NEGR1: variants seen among roughly 807,000 people sequenced by gnomAD.
NEGR1 encodes neuronal growth regulator 1.
A neutral mutation model predicts 40.9 loss-of-function variants in NEGR1; 10 were observed. The ratio of observed to expected loss-of-function variants is 0.24; its 90% CI spans 0.15 to 0.42. NEGR1 has a LOEUF of 0.42. NEGR1 is among the 10% of genes least tolerant of loss of function. The pLI is 1.00. For missense variants in NEGR1, 352 were observed against 438.9 expected, an observed-to-expected ratio of 0.80 and a Z score of 1.77; for synonymous variants, 185 against 166.8, an observed-to-expected ratio of 1.11 and a Z score of -0.84.
chr1:71,806,160 T>C (rs1020218771), intron 2 of NEGR1, among the ~76,000 whole-genome samples: 1 of 152,134 alleles, frequency 6.6e-6, no homozygotes, highest in Non-Finnish European at 1.5e-5. Context: ...GTTAGTTCCC[T>C]GACCAATACC....
chr1:71,728,485 C>G (rs1654748391), intron 3 of NEGR1, among the ~76,000 whole-genome samples: 1 of 152,110 alleles, frequency 6.6e-6, no homozygotes, highest in Non-Finnish European at 1.5e-5. Context: ...CACAGACTTA[C>G]CCCATTAGAA....
intron 1 of NEGR1, among the ~76,000 whole-genome samples, chr1:72,143,928 T>TATATAAA (rs1650802121): frequency 1.7e-5 from 2 of 116,548 alleles, no homozygotes; most frequent in Non-Finnish European, 3.8e-5. Context: ...TATATATATA[T>TATATAAA]ATATATATAT....
intron 3 of NEGR1, among the ~76,000 whole-genome samples, chr1:71,764,418 T>C (rs1272966334): frequency 1.3e-5 from 2 of 152,250 alleles, no homozygotes; most frequent in Non-Finnish European, 2.9e-5. Flanking sequence ...ATTCTCTCTT[T>C]ACTTTTTTTG....
chr1:72,002,762 T>A (rs1388708003), intron 1 of NEGR1, among the ~76,000 whole-genome samples: 2 of 152,152 alleles, frequency 1.3e-5, no homozygotes, highest in Non-Finnish European at 2.9e-5. Flanking sequence ...ATACTAACTT[T>A]CAAAAATGCA....
At chr1:71,738,404 C>T (rs1655106793) in intron 3 of NEGR1, 1 of 176,490 alleles carries the variant, frequency 5.7e-6, no homozygotes, top group Non-Finnish European at 1.3e-5. Context: ...TCTTCCTCCA[C>T]CCTCCCCAGA....
chr1:71,661,113 C>T (rs746734205), intron 4 of NEGR1, among the ~76,000 whole-genome samples: 2 of 152,080 alleles, frequency 1.3e-5, no homozygotes, highest in Non-Finnish European at 2.9e-5. Context: ...ATGAGCATTA[C>T]GGTCGGTTCC....
At chr1:71,643,110 G>A (rs1385284735) in intron 4 of NEGR1, among the ~76,000 whole-genome samples, 1 of 151,994 alleles carries the variant, frequency 6.6e-6, no homozygotes, top group South Asian at 2.1e-4. Context: ...GCCTGATGAA[G>A]TAGGCAGCCT....
rs1225872449 is a variant in NEGR1 at position 71,400,073 on chromosome 1, T to C, written c.*7373A>G. The C allele has an allele frequency of 6.6e-6, 1 of 152,190 alleles. No individual in the cohort carries two copies. Among genetic ancestry groups the C allele is most frequent in the Non-Finnish European group, 1.5e-5 (1 of 68,030 alleles). 9.4% of individuals were successfully genotyped at this position (152,190 alleles called of 1,614,324 possible). On this transcript the variant is annotated 3_prime_UTR_variant, in exon 7 of 7. Coordinates refer to ENST00000357731, the MANE Select transcript of NEGR1 (RefSeq NM_173808.3). ...AGTGTAAAGTTAACTCCTTTTTGAA[T>C]GTAAAAAGTCAAAATTGATGAAGAA...
chr1:71,822,497 G>A (rs1658466305), intron 2 of NEGR1, among the ~76,000 whole-genome samples: 1 of 151,822 alleles, frequency 6.6e-6, no homozygotes, highest in Non-Finnish European at 1.5e-5. Context: ...TGGGTCCAAC[G>A]GCATCAGCTC....
intron 1 of NEGR1, among the ~76,000 whole-genome samples, chr1:72,071,603 A>G (rs1156499047): frequency 6.6e-6 from 1 of 152,020 alleles, no homozygotes; most frequent in Non-Finnish European, 1.5e-5. Flanking sequence ...CCCTTATAAA[A>G]TATTCTTCTT....
intron 1 of NEGR1, among the ~76,000 whole-genome samples, chr1:72,269,809 AATGC>A (rs71762127): frequency 0.098 from 14,787 of 151,534 alleles, 2,428 homozygotes; most frequent in African/African-American, 0.34. Context: ...CTATCTAGTA[AATGC>A]ATGTGACCTT....
chr1:71,909,729 A>G (rs1479476214), intron 2 of NEGR1, among the ~76,000 whole-genome samples: 1 of 152,228 alleles, frequency 6.6e-6, no homozygotes, highest in Non-Finnish European at 1.5e-5. Context: ...TGTTACTTCC[A>G]AATGTAAGCC....
At chr1:71,678,067 ATG>A (rs1652705832) in intron 4 of NEGR1, among the ~76,000 whole-genome samples, 2 of 180 alleles carry the variant, frequency 0.011, no homozygotes, top group African/African-American at 0.014. Flanking sequence ...CAGATACATG[ATG>A]ACAGATCATG....
In NEGR1 at chr1:72,274,738, G is replaced by A. The variant is rs368821966; in HGVS notation, c.176+7581C>T. The stretch of plus-strand genomic sequence containing the variant: ...TGGAAAAGTAATTGGAGTAAAATCG[G>A]AAGGAGAAATTGCTTGCTGTAAGCA... On this transcript the variant is annotated intron_variant, in intron 1 of 6. Coordinates refer to ENST00000357731, the MANE Select transcript of NEGR1 (RefSeq NM_173808.3). 24 of 1,108,276 alleles carry A rather than the reference G, an allele frequency of 2.2e-5. No individual in the cohort carries two copies. In the African/African-American group the frequency reaches 3.1e-4, roughly 14 times the overall value. 68.7% of individuals were successfully genotyped at this position (1,108,276 alleles called of 1,614,324 possible).
chr1:71,679,368 T>C (rs1210855184), intron 4 of NEGR1, among the ~76,000 whole-genome samples: 1 of 152,166 alleles, frequency 6.6e-6, no homozygotes, highest in African/African-American at 2.4e-5. Flanking sequence ...ACTTTTCATA[T>C]CAAAAATATA....
intron 1 of NEGR1, among the ~76,000 whole-genome samples, chr1:71,973,526 C>T (rs1646276389): frequency 6.6e-6 from 1 of 152,068 alleles, no homozygotes; most frequent in Non-Finnish European, 1.5e-5. Context: ...ATCCAGAAAC[C>T]ATTGGGATTT....
At chr1:72,116,777 G>A (rs1448737911) in intron 1 of NEGR1, among the ~76,000 whole-genome samples, 1 of 151,616 alleles carries the variant, frequency 6.6e-6, no homozygotes, top group Non-Finnish European at 1.5e-5. Context: ...CTGTAAAAGT[G>A]TTTACATTAT....
chr1:72,026,141 A>AAAAAAAAAAAG (rs1646807332), intron 1 of NEGR1, among the ~76,000 whole-genome samples: 1 of 143,826 alleles, frequency 7.0e-6, no homozygotes, highest in African/African-American at 2.7e-5. Context: ...AAAAAAAAAA[A>AAAAAAAAAAAG]AATGACATAA....
chr1:72,028,200 C>T (rs1348137108), intron 1 of NEGR1, among the ~76,000 whole-genome samples: 2 of 152,192 alleles, frequency 1.3e-5, no homozygotes, highest in Admixed American at 6.5e-5. Context: ...GTTTCTTCCT[C>T]TTCTTACTCC....
Sources: allele counts gnomAD v4.1 joint callset (sites outside exome capture counted in the v4.1 genomes callset), GRCh38; gene constraint gnomAD v4.1.1; transcripts MANE v1.5; gene names NCBI Gene and HGNC (gene_info 2026-07-23, HGNC 2026-07-21).